Variants in PHACTR3 observed in about 807,000 individuals in gnomAD.
The protein encoded by PHACTR3 is phosphatase and actin regulator 3.
In PHACTR3, 16 loss-of-function variants were observed where a neutral mutation model predicts 66.8. The observed-to-expected ratio is 0.24, with a 90% CI of 0.16 to 0.36. PHACTR3 has a LOEUF of 0.36. Ranked by LOEUF, PHACTR3 falls within the 10% of genes least tolerant of loss-of-function variation. The pLI is 1.00. For missense variants in PHACTR3, 647 were observed against 719.9 expected (o/e 0.90, Z 1.16); for synonymous variants, 323 against 292.1 (o/e 1.11, Z -1.08).
Position 59,605,092 on chromosome 20 carries a change from C to A in PHACTR3, c.78C>A (p.Asp26Glu). Residue 26 changes from aspartate to glutamate, a missense_variant, in exon 1 of 13, where the codon GAC becomes GAA. Asp to Glu is a conservative substitution (Grantham distance 45). Coordinates refer to ENST00000371015, the MANE Select transcript of PHACTR3 (RefSeq NM_080672.5). ...RSQSDPSVLTDSSATSSADAG... is the reference protein window; with the variant it reads ...RSQSDPSVLTESSATSSADAG... Reference sequence around the variant, plus strand: ...AGAGTGACCCCAGCGTCCTCACCGACTCCTCGGCCACCTCCTCCGCGGACG... The same window carrying A: ...AGAGTGACCCCAGCGTCCTCACCGAATCCTCGGCCACCTCCTCCGCGGACG... The A allele has an allele frequency of 7.1e-7, 1 of 1,409,158 alleles. No homozygotes were observed. Among genetic ancestry groups the A allele is most frequent in the Non-Finnish European group, 9.3e-7 (1 of 1,074,810 alleles). The allele number at this position is 1,409,158 out of a possible 1,614,324, so 87.3% of individuals were successfully genotyped here.
Position 59,743,198 on chromosome 20 carries a change from C to G in PHACTR3, c.210C>G (p.Thr70=). The change falls in exon 2 of 13, where the codon ACC becomes ACG. Residue 70 remains threonine, a synonymous_variant. Coordinates refer to ENST00000371015, the MANE Select transcript of PHACTR3 (RefSeq NM_080672.5). The stretch of plus-strand genomic sequence containing the variant: ...TGAGGAGGAACAGCAAACTGGCCAC[C>G]CTGGGCAGGATCTTCAAACCCTGGA... ...PPVRRNSKLA[T]LGRIFKPWKW... 6.2e-7 allele frequency: 1 copy of G among 1,614,082 alleles called. No individual in the cohort carries two copies. The highest frequency in any genetic ancestry group is 1.7e-5 in the Admixed American group (1 of 60,012).
At chr20:59,693,047 C>T (rs1196876203) in intron 1 of PHACTR3, among the ~76,000 whole-genome samples, 2 of 152,048 alleles carry the variant, frequency 1.3e-5, no homozygotes, top group Admixed American at 6.5e-5. Context: ...GAGGATTTGT[C>T]GGGGTCACAT....
chr20:59,637,705 A>C (rs2034945171), intron 1 of PHACTR3, among the ~76,000 whole-genome samples: 1 of 151,966 alleles, frequency 6.6e-6, no homozygotes. Flanking sequence ...TTAAAAAAAA[A>C]AAAAAAACCA....
At chr20:59,788,421 C>T (rs1035120881) in intron 7 of PHACTR3, among the ~76,000 whole-genome samples, 4 of 152,064 alleles carry the variant, frequency 2.6e-5, no homozygotes, top group Non-Finnish European at 5.9e-5. Flanking sequence ...CCCTCCTCCC[C>T]CATTGTTGGC....
At chr20:59,822,813 G>A (rs2042088748) in intron 8 of PHACTR3, among the ~76,000 whole-genome samples, 1 of 152,208 alleles carries the variant, frequency 6.6e-6, no homozygotes, top group Admixed American at 6.5e-5. Flanking sequence ...CACAGGATGT[G>A]CCCAGTGGAA....
At chr20:59,577,729 G>A (rs2032753939) in intron 1 of PHACTR3, 1 of 746,782 alleles carries the variant, frequency 1.3e-6, no homozygotes. Context: ...GCCGTTGCGG[G>A]TGGCCGGGAG....
At position 59,724,039 on chromosome 20, in the gene PHACTR3, A is replaced by G. The variant is rs1246153772; in HGVS notation, c.119-19068A>G. On this transcript the variant is annotated intron_variant, in intron 1 of 12. Coordinates refer to ENST00000371015, the MANE Select transcript of PHACTR3 (RefSeq NM_080672.5). ...TGCCCACACCTTTTATTGAGCCTGA[A>G]CACCTTTCACATGGTCACACCTGAC... Among the ~76,000 whole-genome samples the G allele has an allele frequency of 2.6e-5, 4 of 152,142 alleles. No homozygotes were observed. In the East Asian group the frequency reaches 7.7e-4, roughly 29 times the overall value.
intron 4 of PHACTR3, among the ~76,000 whole-genome samples, chr20:59,759,445 T>C (rs2039920431): frequency 6.6e-6 from 1 of 152,196 alleles, no homozygotes; most frequent in South Asian, 2.1e-4. Flanking sequence ...CGGATCCCTG[T>C]TCCCACACAG....
At chr20:59,744,966 C>A (rs974771588) in intron 2 of PHACTR3, among the ~76,000 whole-genome samples, 1 of 152,188 alleles carries the variant, frequency 6.6e-6, no homozygotes, top group Admixed American at 6.5e-5. Flanking sequence ...TCCATTTGTT[C>A]CCCTGCATCT....
intron 11 of PHACTR3, among the ~76,000 whole-genome samples, chr20:59,841,845 C>G (rs891973313): frequency 5.9e-5 from 9 of 152,022 alleles, no homozygotes; most frequent in Non-Finnish European, 1.0e-4. Flanking sequence ...CACATAACAG[C>G]CCCCACAACA....
intron 1 of PHACTR3, among the ~76,000 whole-genome samples, chr20:59,641,125 A>G (rs1268789238): frequency 1.3e-5 from 2 of 152,062 alleles, no homozygotes; most frequent in African/African-American, 2.4e-5. Flanking sequence ...TTGCCTATCT[A>G]TTCATCTATT....
intron 1 of PHACTR3, among the ~76,000 whole-genome samples, chr20:59,598,820 G>A (rs1027926251): frequency 6.6e-6 from 1 of 152,166 alleles, no homozygotes; most frequent in African/African-American, 2.4e-5. Flanking sequence ...GTTTTTCCAG[G>A]TGACCAGCAG....
intron 7 of PHACTR3, among the ~76,000 whole-genome samples, chr20:59,798,263 C>G (rs1600675062): frequency 1.3e-5 from 2 of 152,284 alleles, no homozygotes; most frequent in East Asian, 3.9e-4. Flanking sequence ...GAGGAGCCCT[C>G]AAGCCATTCA....
chr20:59,678,007 C>T (rs2036510578), intron 1 of PHACTR3, among the ~76,000 whole-genome samples: 1 of 152,220 alleles, frequency 6.6e-6, no homozygotes, highest in Non-Finnish European at 1.5e-5. Context: ...CGTTGAATCT[C>T]ACAACTTTCA....
At chr20:59,642,275 CT>C (rs2035130115) in intron 1 of PHACTR3, among the ~76,000 whole-genome samples, 1 of 151,754 alleles carries the variant, frequency 6.6e-6, no homozygotes. Flanking sequence ...TAGTTATTTG[CT>C]TGCTTGGTTG....
chr20:59,809,020 G>A (rs560648665), intron 8 of PHACTR3, among the ~76,000 whole-genome samples: 1 of 152,262 alleles, frequency 6.6e-6, no homozygotes, highest in South Asian at 2.1e-4. Context: ...CGCTCCCCGG[G>A]TGAGAATCCA....
In PHACTR3 at chr20:59,825,410, GTTCA is replaced by G. The variant is rs549355864; in HGVS notation, c.1329-11086_1329-11083del. 9.9e-5 allele frequency among the ~76,000 whole-genome samples: 15 copies of G among 152,266 alleles called. No homozygotes were observed. In the South Asian group the frequency reaches 2.3e-3, roughly 23 times the overall value. On this transcript the variant is annotated intron_variant, in intron 8 of 12. Transcript: ENST00000371015. Reference sequence around the variant, plus strand: ...CACTCATTCATTCATTCAGTCACTTGTTCATTCATTCACTCGTTCATTCACTCAT... The same window carrying G: ...CACTCATTCATTCATTCAGTCACTTGTTCATTCACTCGTTCATTCACTCAT...
intron 1 of PHACTR3, among the ~76,000 whole-genome samples, chr20:59,732,969 A>G (rs2038821546): frequency 6.6e-6 from 1 of 152,022 alleles, no homozygotes; most frequent in East Asian, 1.9e-4. Context: ...ACAGATTTTG[A>G]TGAATGAACT....
At chr20:59,608,191 A>C (rs1374150626) in intron 1 of PHACTR3, among the ~76,000 whole-genome samples, 1 of 152,176 alleles carries the variant, frequency 6.6e-6, no homozygotes, top group Non-Finnish European at 1.5e-5. Context: ...GCTAGTGAGC[A>C]TGAGTGTCTT....
Sources: gnomAD v4.1 joint callset for allele counts (sites outside exome capture counted in the v4.1 genomes callset) on GRCh38, gnomAD v4.1.1 for gene constraint, MANE v1.5 for transcripts, NCBI Gene and HGNC (gene_info 2026-07-23, HGNC 2026-07-21) for gene names.